Variants in ATP6V0E1 observed in about 807,000 individuals in gnomAD.
The protein encoded by ATP6V0E1 is ATPase H+ transporting V0 subunit e1, also known as V-type proton ATPase subunit e 1.
Under a neutral mutation model 11.6 loss-of-function variants are expected in ATP6V0E1, and 4 were observed. That is an observed-to-expected ratio of 0.35 (90% CI 0.17 to 0.79). ATP6V0E1 has a LOEUF of 0.79. ATP6V0E1 is among the 30% of genes least tolerant of loss of function. ATP6V0E1 has a pLI of 0.54. For missense variants in ATP6V0E1, 105 were observed against 100.0 expected (o/e 1.05, Z -0.21); for synonymous variants, 36 against 34.8 (o/e 1.04, Z -0.13).
At chr5:173,031,028 T>C (rs1007781603) in intron 3 of ATP6V0E1, among the ~76,000 whole-genome samples, 1 of 152,064 alleles carries the variant, frequency 6.6e-6, no homozygotes, top group Non-Finnish European at 1.5e-5. Context: ...CACCGCAATC[T>C]CTGCCTCCCG....
intron 2 of ATP6V0E1, among the ~76,000 whole-genome samples, chr5:173,017,457 C>G (rs931170933): frequency 6.6e-6 from 1 of 151,664 alleles, no homozygotes; most frequent in Non-Finnish European, 1.5e-5. Flanking sequence ...TCGCTTGAAC[C>G]CGGGAGGCAG....
chr5:173,016,632 T>C (rs1301888130), intron 2 of ATP6V0E1, among the ~76,000 whole-genome samples: 1 of 152,192 alleles, frequency 6.6e-6, no homozygotes, highest in Admixed American at 6.5e-5. Context: ...GTTGTCTCAG[T>C]CTCTTACGAA....
intron 3 of ATP6V0E1, among the ~76,000 whole-genome samples, chr5:173,023,925 C>T (rs1368073376): frequency 6.6e-6 from 1 of 151,996 alleles, no homozygotes; most frequent in Non-Finnish European, 1.5e-5. Flanking sequence ...GGGCCGGGCA[C>T]GGTGGCTCAC....
intron 3 of ATP6V0E1, among the ~76,000 whole-genome samples, chr5:173,030,921 G>GTATGTATT (rs1756639456): frequency 4.2e-5 from 6 of 141,798 alleles, no homozygotes; most frequent in Non-Finnish European, 7.6e-5. Context: ...GCTAATTTTT[G>GTATGTATT]TATTTATTTA....
At chr5:173,018,175 A>ACAGT (rs1254581654) in intron 2 of ATP6V0E1, among the ~76,000 whole-genome samples, 2 of 152,220 alleles carry the variant, frequency 1.3e-5, no homozygotes, top group East Asian at 3.8e-4. Context: ...AATAACATAA[A>ACAGT]CAGTCAATTA....
chr5:173,006,010 G>T (rs1044837686), intron 2 of ATP6V0E1, among the ~76,000 whole-genome samples: 1 of 152,128 alleles, frequency 6.6e-6, no homozygotes, highest in Non-Finnish European at 1.5e-5. Flanking sequence ...TATTTTATGC[G>T]TGTGGACTAT....
intron 2 of ATP6V0E1, among the ~76,000 whole-genome samples, chr5:172,995,223 C>T (rs906065644): frequency 4.6e-5 from 7 of 152,204 alleles, no homozygotes; most frequent in South Asian, 4.1e-4. Context: ...CATGCCTCAG[C>T]TACCTAAATG....
At position 173,014,561 on chromosome 5, in the gene ATP6V0E1, C is replaced by T. The variant is rs556454774; in HGVS notation, c.153-5677C>T. On this transcript the variant is annotated intron_variant, in intron 2 of 3. Transcript: ENST00000519374. The stretch of plus-strand genomic sequence containing the variant: ...CCATAAAAAAAGAATGAAATCATGT[C>T]ATTTGCAGCATCATGGGAGGAACTA... 7.9e-5 allele frequency among the ~76,000 whole-genome samples: 12 copies of T among 152,268 alleles called. No individual in the cohort carries two copies. The East Asian group carries it at 1.2e-3, about 15-fold the overall frequency.
chr5:173,023,453 C>A (rs1033896865), intron 3 of ATP6V0E1, among the ~76,000 whole-genome samples: 45 of 152,226 alleles, frequency 3.0e-4, no homozygotes, highest in African/African-American at 1.0e-3. Flanking sequence ...GCCTAGGCCT[C>A]CCAAAATACT....
chr5:172,993,885 T>C (rs1022298715), intron 1 of ATP6V0E1, among the ~76,000 whole-genome samples: 3 of 152,174 alleles, frequency 2.0e-5, no homozygotes, highest in Non-Finnish European at 1.5e-5. Flanking sequence ...ACAGGAGTTA[T>C]AATATTTGGT....
chr5:173,004,076 TAAAGA>T (rs1412930454), intron 2 of ATP6V0E1, among the ~76,000 whole-genome samples: 5 of 151,986 alleles, frequency 3.3e-5, no homozygotes, highest in African/African-American at 1.2e-4. Flanking sequence ...GAGAGAAAAG[TAAAGA>T]AAAGATCCGA....
At chr5:173,033,329 C>T (rs1166858299) in intron 3 of ATP6V0E1, among the ~76,000 whole-genome samples, 1 of 152,060 alleles carries the variant, frequency 6.6e-6, no homozygotes, top group Admixed American at 6.6e-5. Flanking sequence ...TCCCAAAGTG[C>T]TGGGATTACA....
chr5:173,034,909 G>A lies in ATP6V0E1; in HGVS notation c.*547G>A, dbSNP rs368902317. 4.5e-5 allele frequency: 7 copies of A among 154,644 alleles called. No individual in the cohort carries two copies. The highest frequency in any genetic ancestry group is 1.7e-4 in the African/African-American group (7 of 41,592). The allele number at this position is 154,644 out of a possible 1,614,324, so 9.6% of individuals were successfully genotyped here. ...CTATGGAAATCTGGGCTCGGTGTTT[G>A]TAAAGTTCATTTTTATAAGCTTTTC... On this transcript the variant is annotated 3_prime_UTR_variant, in exon 4 of 4. Transcript: ENST00000519374.
At chr5:173,028,161 G>C (rs1756591415) in intron 3 of ATP6V0E1, among the ~76,000 whole-genome samples, 1 of 152,158 alleles carries the variant, frequency 6.6e-6, no homozygotes, top group Non-Finnish European at 1.5e-5. Context: ...AGGGCAAGCC[G>C]GGCGATCCCT....
At chr5:173,009,975 G>T (rs890579719) in intron 2 of ATP6V0E1, among the ~76,000 whole-genome samples, 1 of 151,620 alleles carries the variant, frequency 6.6e-6, no homozygotes, top group Non-Finnish European at 1.5e-5. Flanking sequence ...TGTTGGTCAC[G>T]CTGGTCTCAA....
chr5:173,015,490 C>T (rs1756386689), intron 2 of ATP6V0E1, among the ~76,000 whole-genome samples: 1 of 152,078 alleles, frequency 6.6e-6, no homozygotes, highest in Admixed American at 6.6e-5. Flanking sequence ...GCCCCACAGC[C>T]CAACCATAGG....
At chr5:173,032,188 A>G (rs180766338) in intron 3 of ATP6V0E1, among the ~76,000 whole-genome samples, 1 of 152,144 alleles carries the variant, frequency 6.6e-6, no homozygotes, top group East Asian at 1.9e-4. Context: ...ATAAAAATTT[A>G]TTCCAAAATC....
At chr5:173,032,257 A>ATTTAT (rs1756674883) in intron 3 of ATP6V0E1, among the ~76,000 whole-genome samples, 4 of 98,636 alleles carry the variant, frequency 4.1e-5, no homozygotes, top group African/African-American at 1.6e-4. Context: ...TATTTTATTT[A>ATTTAT]TTTATTTATT....
intron 3 of ATP6V0E1, among the ~76,000 whole-genome samples, chr5:173,030,989 G>T (rs1436496192): frequency 6.6e-6 from 1 of 151,728 alleles, no homozygotes; most frequent in African/African-American, 2.4e-5. Context: ...CTGTCGCCCA[G>T]ACTGGAGTGC....
Sources: gnomAD v4.1 joint callset for allele counts (sites outside exome capture counted in the v4.1 genomes callset) on GRCh38, gnomAD v4.1.1 for gene constraint, MANE v1.5 for transcripts, NCBI Gene and HGNC (gene_info 2026-07-23, HGNC 2026-07-21) for gene names.